The following DSCAM variants were observed in gnomAD, a reference collection of about 807,000 sequenced individuals.
DSCAM encodes cell adhesion molecule DSCAM.
In DSCAM, 47 loss-of-function variants were observed where a neutral mutation model predicts 217.7. The observed-to-expected ratio is 0.22, with a 90% CI of 0.17 to 0.28. The LOEUF (loss-of-function observed/expected upper bound fraction) is 0.28. DSCAM is among the 10% of genes least tolerant of loss of function. DSCAM has a pLI of 1.00. For synonymous variants in DSCAM, 1,056 were observed against 1,015.3 expected (o/e 1.04, Z -0.76); for missense variants, 2,080 against 2,618.3 (o/e 0.79, Z 4.49).
intron 3 of DSCAM, among the ~76,000 whole-genome samples, chr21:40,688,250 AC>A (rs887301820): frequency 1.3e-5 from 2 of 152,062 alleles, no homozygotes; most frequent in African/African-American, 4.8e-5. Context: ...ATGTAGCTAA[AC>A]CCCTGGTGAG....
chr21:40,249,371 C>T (rs2073271515), intron 11 of DSCAM, among the ~76,000 whole-genome samples: 1 of 152,106 alleles, frequency 6.6e-6, no homozygotes, highest in Non-Finnish European at 1.5e-5. Flanking sequence ...ATGGTTTTAT[C>T]AGAGGTTTCT....
intron 8 of DSCAM, among the ~76,000 whole-genome samples, chr21:40,334,953 T>G (rs1208521135): frequency 6.6e-6 from 1 of 152,040 alleles, no homozygotes; most frequent in African/African-American, 2.4e-5. Context: ...CGTGAAAAGG[T>G]TCTGCTCCTT....
intron 11 of DSCAM, among the ~76,000 whole-genome samples, chr21:40,212,133 C>T (rs1015466379): frequency 4.0e-5 from 6 of 151,858 alleles, no homozygotes; most frequent in Non-Finnish European, 8.8e-5. Context: ...CCACGCCTGG[C>T]TAATTTTTTT....
At chr21:40,328,982 A>C (rs1327671879) in intron 8 of DSCAM, among the ~76,000 whole-genome samples, 1 of 152,258 alleles carries the variant, frequency 6.6e-6, no homozygotes, top group Non-Finnish European at 1.5e-5. Flanking sequence ...CACACATGTT[A>C]GAATGGCTAT....
chr21:40,808,048 A>G (rs1023821950), intron 1 of DSCAM, among the ~76,000 whole-genome samples: 5 of 152,232 alleles, frequency 3.3e-5, no homozygotes, highest in South Asian at 2.1e-4. Context: ...GAGTCCTTCT[A>G]TGACCTCAAC....
intron 20 of DSCAM, among the ~76,000 whole-genome samples, chr21:40,104,257 T>G (rs1167381410): frequency 6.6e-6 from 1 of 152,226 alleles, no homozygotes; most frequent in African/African-American, 2.4e-5. Flanking sequence ...AACTAATTTG[T>G]TATCATATAG....
In DSCAM at chr21:40,674,656, G is replaced by A. The variant is rs372872376; in HGVS notation, c.508+18154C>T. Among the ~76,000 whole-genome samples, 127 of 129,300 alleles carry A rather than the reference G, an allele frequency of 9.8e-4. 2 individuals are homozygous for A. The highest frequency in any genetic ancestry group is 1.4e-3 in the Admixed American group (16 of 11,504). 84.8% of individuals were successfully genotyped at this position (129,300 alleles called of 152,430 possible). ...TCTTTTTTTTTTTTTTTTTTGAGAC[G>A]GAGTCTCGCTTTGTCTCCCAGGCTG... On this transcript the variant is annotated intron_variant, in intron 3 of 32. Coordinates refer to ENST00000400454, the MANE Select transcript of DSCAM (RefSeq NM_001389.5).
intron 3 of DSCAM, among the ~76,000 whole-genome samples, chr21:40,666,344 T>A (rs955359925): frequency 2.0e-5 from 3 of 152,116 alleles, no homozygotes; most frequent in African/African-American, 7.2e-5. Flanking sequence ...AGTAGTATCA[T>A]CCTCATCATT....
chr21:40,032,905 C>T (rs2088554867), intron 32 of DSCAM, among the ~76,000 whole-genome samples: 1 of 152,202 alleles, frequency 6.6e-6, no homozygotes, highest in African/African-American at 2.4e-5. Flanking sequence ...CTGTGATTCA[C>T]ATTCATTCCC....
chr21:40,679,198 TA>T (rs1284371335), intron 3 of DSCAM, among the ~76,000 whole-genome samples: 1 of 152,134 alleles, frequency 6.6e-6, no homozygotes, highest in African/African-American at 2.4e-5. Context: ...ATTAAAGCAT[TA>T]AGAAGAATTT....
At chr21:40,466,939 A>G (rs1268036396) in intron 3 of DSCAM, among the ~76,000 whole-genome samples, 1 of 152,194 alleles carries the variant, frequency 6.6e-6, no homozygotes, top group East Asian at 1.9e-4. Flanking sequence ...TTCCTAATGC[A>G]ATTACATTTT....
chr21:40,525,062 A>G (rs1474338563), intron 3 of DSCAM, among the ~76,000 whole-genome samples: 1 of 150,896 alleles, frequency 6.6e-6, no homozygotes, highest in Non-Finnish European at 1.5e-5. Context: ...AAATTCAAAT[A>G]CATTATTTTC....
chr21:40,537,939 G>A (rs574661926), intron 3 of DSCAM, among the ~76,000 whole-genome samples: 1 of 152,300 alleles, frequency 6.6e-6, no homozygotes, highest in Non-Finnish European at 1.5e-5. Context: ...CCTTCCATGT[G>A]GTTTTGGAGG....
At chr21:40,306,646 G>A (rs1340718720) in intron 9 of DSCAM, among the ~76,000 whole-genome samples, 1 of 151,542 alleles carries the variant, frequency 6.6e-6, no homozygotes, top group Non-Finnish European at 1.5e-5. Context: ...AGAGTTTTTA[G>A]CATGAAGGGT....
chr21:40,063,406 AT>A (rs959851405), intron 27 of DSCAM, among the ~76,000 whole-genome samples: 57 of 148,710 alleles, frequency 3.8e-4, no homozygotes, highest in Admixed American at 6.8e-4. Context: ...AAAAAACTTT[AT>A]TTTTTTTTTC....
At chr21:40,061,569 CAAA>C (rs1223587491) in intron 28 of DSCAM, among the ~76,000 whole-genome samples, 3 of 86,342 alleles carry the variant, frequency 3.5e-5, no homozygotes, top group Admixed American at 1.0e-4. Flanking sequence ...AACTCTGTCC[CAAA>C]AAAAAAAAAA....
intron 15 of DSCAM, among the ~76,000 whole-genome samples, chr21:40,173,462 T>C (rs1249556226): frequency 6.6e-6 from 1 of 152,106 alleles, no homozygotes; most frequent in Non-Finnish European, 1.5e-5. Context: ...ATTCCCAAAG[T>C]TTCTTCAAAC....
intron 1 of DSCAM, among the ~76,000 whole-genome samples, chr21:40,835,336 A>G (rs1024269212): frequency 6.6e-6 from 1 of 152,230 alleles, no homozygotes; most frequent in African/African-American, 2.4e-5. Flanking sequence ...ACTCCAAATC[A>G]GAGAGGAACT....
intron 3 of DSCAM, among the ~76,000 whole-genome samples, chr21:40,498,646 AGTGTGTGTG>A (rs2076139083): frequency 3.8e-5 from 4 of 106,558 alleles, no homozygotes; most frequent in Admixed American, 1.1e-4. Flanking sequence ...ATATATATAT[AGTGTGTGTG>A]TATATATATA....
Sources: allele counts gnomAD v4.1 joint callset (sites outside exome capture counted in the v4.1 genomes callset), GRCh38; gene constraint gnomAD v4.1.1; transcripts MANE v1.5; gene names NCBI Gene and HGNC (gene_info 2026-07-23, HGNC 2026-07-21).